PTPN4: variants seen among roughly 807,000 people sequenced by gnomAD.
PTPN4 encodes the protein protein tyrosine phosphatase non-receptor type 4, also known as tyrosine-protein phosphatase non-receptor type 4.
In PTPN4, 49 loss-of-function variants were observed where a neutral mutation model predicts 135.5. That is an observed-to-expected ratio of 0.36 (90% CI 0.29 to 0.46). The LOEUF (loss-of-function observed/expected upper bound fraction) is 0.46, where lower values mean the gene tolerates loss of function less well. Ranked by LOEUF, PTPN4 falls within the 20% of genes least tolerant of loss-of-function variation. The pLI is 1.00. For synonymous variants in PTPN4, 333 were observed against 369.9 expected (o/e 0.90, Z 1.14); for missense variants, 860 against 1,101.0 (o/e 0.78, Z 3.10).
chr2:119,955,865 A>T (rs1171300810), intron 20 of PTPN4, among the ~76,000 whole-genome samples: 2 of 152,098 alleles, frequency 1.3e-5, no homozygotes, highest in Non-Finnish European at 2.9e-5. Flanking sequence ...TGAACCTGGG[A>T]GGCAGAGCTT....
chr2:119,966,301 C>G, intron 25 of PTPN4, among the ~76,000 whole-genome samples: 1 of 152,156 alleles, frequency 6.6e-6, no homozygotes. Flanking sequence ...TACTGTCACA[C>G]AGGCTGGAGT....
chr2:119,928,268 C>T (rs1574408495), intron 13 of PTPN4, among the ~76,000 whole-genome samples: 1 of 151,960 alleles, frequency 6.6e-6, no homozygotes, highest in East Asian at 1.9e-4. Flanking sequence ...TTTAGGATTC[C>T]TCCCTTTACT....
intron 26 of PTPN4, among the ~76,000 whole-genome samples, chr2:119,969,652 G>C (rs529145781): frequency 7.5e-6 from 1 of 133,860 alleles, no homozygotes; most frequent in Non-Finnish European, 1.5e-5. Context: ...TCCGCCTCCC[G>C]GGATCACACC....
intron 11 of PTPN4, among the ~76,000 whole-genome samples, chr2:119,917,219 T>A (rs922226683): frequency 6.6e-6 from 1 of 152,224 alleles, no homozygotes; most frequent in Non-Finnish European, 1.5e-5. Flanking sequence ...ATCCTCACTC[T>A]CATTTTCTGA....
At chr2:119,770,014 G>A (rs1690706060) in intron 1 of PTPN4, among the ~76,000 whole-genome samples, 1 of 152,142 alleles carries the variant, frequency 6.6e-6, no homozygotes, top group African/African-American at 2.4e-5. Flanking sequence ...CTTGTATATA[G>A]ACGAGTCACT....
intron 15 of PTPN4, among the ~76,000 whole-genome samples, chr2:119,942,660 T>C (rs1326718192): frequency 6.6e-6 from 1 of 152,222 alleles, no homozygotes; most frequent in African/African-American, 2.4e-5. Flanking sequence ...GTTATATATG[T>C]CGAGTCCAAT....
rs1346208756 is a variant in PTPN4, at chr2:119,982,104, G to T, written c.*5034G>T. On this transcript the variant is annotated 3_prime_UTR_variant, in exon 27 of 27. Transcript: ENST00000263708. ...TACCATTTTAGGGGAAAGTTCAAAG[G>T]TTTAACTTCCTGAAACCTTTTAAAC... 6.6e-6 allele frequency: 1 copy of T among 152,124 alleles called. No homozygotes were observed. The highest frequency in any genetic ancestry group is 2.4e-5 in the African/African-American group (1 of 41,430). The allele number at this position is 152,124 out of a possible 1,614,324, so 9.4% of individuals were successfully genotyped here.
At chr2:119,957,168 T>A in intron 22 of PTPN4, 91 bp downstream of exon 22, 1 of 1,173,708 alleles carries the variant, frequency 8.5e-7, no homozygotes, top group Non-Finnish European at 1.2e-6. Flanking sequence ...CTGACCTGGA[T>A]AGAATATTAA....
At chr2:119,812,814 A>G (rs1202915282) in intron 2 of PTPN4, among the ~76,000 whole-genome samples, 3 of 152,232 alleles carry the variant, frequency 2.0e-5, no homozygotes, top group Non-Finnish European at 4.4e-5. Context: ...TTTAAAATGC[A>G]TAGTGTCCGT....
At chr2:119,895,632 A>G (rs963300277) in intron 9 of PTPN4, among the ~76,000 whole-genome samples, 2 of 151,974 alleles carry the variant, frequency 1.3e-5, no homozygotes, top group African/African-American at 4.8e-5. Context: ...CTCAAAAAAA[A>G]AGAAAAAGGC....
intron 2 of PTPN4, among the ~76,000 whole-genome samples, chr2:119,830,258 A>G (rs939738123): frequency 1.3e-5 from 2 of 152,146 alleles, no homozygotes; most frequent in Non-Finnish European, 2.9e-5. Flanking sequence ...TTTTTGTCTC[A>G]GCACCATTTG....
At chr2:119,972,905 G>A (rs938971850) in intron 26 of PTPN4, among the ~76,000 whole-genome samples, 2 of 152,038 alleles carry the variant, frequency 1.3e-5, no homozygotes, top group Non-Finnish European at 2.9e-5. Context: ...ATCTCACTTG[G>A]ACATAGTATG....
rs1386549847 is a variant in PTPN4, at chr2:119,844,846, G to A, written c.139-17690G>A. On this transcript the variant is annotated intron_variant, in intron 2 of 26. Transcript: ENST00000263708. ...CAGAGACACTCCTCACTTCCCAGAC[G>A]GTGTGGCAGCCGGGCAGAGGCTGCA... 1.6e-4 allele frequency among the ~76,000 whole-genome samples: 23 copies of A among 147,392 alleles called. 1 individual carries two copies. Among genetic ancestry groups the A allele is most frequent in the African/African-American group, 5.4e-4 (21 of 38,732 alleles).
intron 24 of PTPN4, among the ~76,000 whole-genome samples, chr2:119,963,249 T>C (rs889941591): frequency 6.6e-6 from 1 of 150,550 alleles, no homozygotes; most frequent in Non-Finnish European, 1.5e-5. Context: ...GATTTCTAAT[T>C]GCCAGCTCTT....
intron 7 of PTPN4, 50 bp from the exon 8 acceptor site, chr2:119,882,453 A>G (rs1421483136): frequency 1.3e-5 from 18 of 1,417,688 alleles, no homozygotes; most frequent in Non-Finnish European, 1.7e-5. Flanking sequence ...TGACTATAAT[A>G]ATTTAAAAAT....
chr2:119,842,998 G>A (rs572548947), intron 2 of PTPN4, among the ~76,000 whole-genome samples: 14 of 152,116 alleles, frequency 9.2e-5, no homozygotes, highest in Non-Finnish European at 2.1e-4. Context: ...TCACATTGAG[G>A]AAAGTTCTCT....
intron 1 of PTPN4, among the ~76,000 whole-genome samples, chr2:119,804,269 T>C (rs1247620559): frequency 1.3e-5 from 2 of 152,118 alleles, no homozygotes; most frequent in Non-Finnish European, 2.9e-5. Context: ...CATGCCACCA[T>C]GCTCAGCTAA....
intron 8 of PTPN4, among the ~76,000 whole-genome samples, chr2:119,883,846 A>G (rs1288795489): frequency 2.0e-5 from 3 of 152,226 alleles, no homozygotes; most frequent in African/African-American, 4.8e-5. Context: ...AGCTGTTGTT[A>G]TTATTAAGAA....
chr2:119,946,443 T>C lies in PTPN4; in HGVS notation c.1599+19T>C, dbSNP rs1328607859. On this transcript the variant is annotated intron_variant, in intron 17 of 26. Coordinates refer to ENST00000263708, the MANE Select transcript of PTPN4 (RefSeq NM_002830.4). Reference sequence around the variant, plus strand: ...TGTAAAGGTAATCTGGAATTTATTTTATACTCAGTTTTTAAATTAAGATGT... The same window carrying C: ...TGTAAAGGTAATCTGGAATTTATTTCATACTCAGTTTTTAAATTAAGATGT... 2 of 1,595,500 alleles carry C rather than the reference T, an allele frequency of 1.3e-6. No individual in the cohort carries two copies. Among genetic ancestry groups the C allele is most frequent in the East Asian group, 4.5e-5 (2 of 44,656 alleles).
Sources: gnomAD v4.1 joint callset for allele counts (sites outside exome capture counted in the v4.1 genomes callset) on GRCh38, gnomAD v4.1.1 for gene constraint, MANE v1.5 for transcripts, NCBI Gene and HGNC (gene_info 2026-07-23, HGNC 2026-07-21) for gene names.